JAK1: variants seen among roughly 807,000 people sequenced by gnomAD.
JAK1 encodes Janus kinase 1.
A neutral mutation model predicts 136.6 loss-of-function variants in JAK1; 16 were observed. That is an observed-to-expected ratio of 0.12 (90% CI 0.08 to 0.18). JAK1 has a LOEUF of 0.18. Ranked by LOEUF, JAK1 falls within the 10% of genes least tolerant of loss-of-function variation. The pLI is 1.00. For missense variants in JAK1, 859 were observed against 1,450.1 expected (o/e 0.59, Z 6.62); for synonymous variants, 492 against 519.5 (o/e 0.95, Z 0.72).
intron 1 of JAK1, among the ~76,000 whole-genome samples, chr1:64,928,798 A>AAAAAAAAAAAAAAAAAAAAAAAC (rs1557699679): frequency 1.8e-4 from 16 of 89,974 alleles, no homozygotes; most frequent in East Asian, 9.0e-4. Flanking sequence ...AAAAAAAAAC[A>AAAAAAAAAAAAAAAAAAAAAAAC]AAAAAAAAAA....
Position 64,844,834 on chromosome 1 carries a change from C to G in JAK1, c.2171G>C (p.Arg724Pro), listed in dbSNP as rs780016058. 2.5e-6 allele frequency: 4 copies of G among 1,614,204 alleles called. No homozygotes were observed. The highest frequency in any genetic ancestry group is 1.1e-5 in the South Asian group (1 of 91,084). ...NVCTKNLLLA[R>P]EGIDSECGPF... Reference sequence around the variant, plus strand: ...GCCACACTCACTGTCGATGCCCTCACGGGCCAGGAGGAGGTTTTTAGTACA... The same window carrying G: ...GCCACACTCACTGTCGATGCCCTCAGGGGCCAGGAGGAGGTTTTTAGTACA... The change falls in exon 16 of 25, where the codon CGT becomes CCT. Residue 724 changes from arginine to proline, a missense_variant. Transcript: ENST00000342505. The surrounding 1 kb of genome is among the most constrained non-coding windows in gnomAD (Gnocchi z 5.7).
intron 1 of JAK1, among the ~76,000 whole-genome samples, chr1:64,890,878 T>G (rs1644925136): frequency 6.6e-6 from 1 of 151,848 alleles, no homozygotes; most frequent in Non-Finnish European, 1.5e-5. Context: ...CGGGCTGGAG[T>G]CATTGCAACC....
intron 2 of JAK1, among the ~76,000 whole-genome samples, chr1:65,023,296 A>G (rs1318496269): frequency 2.6e-5 from 4 of 151,704 alleles, no homozygotes; most frequent in Admixed American, 6.6e-5. Context: ...TTGTCAAGCT[A>G]TGTTGCCCAG....
intron 11 of JAK1, 71 bp from the exon 12 acceptor site, chr1:64,850,981 G>A (rs912962244): frequency 3.8e-6 from 4 of 1,063,128 alleles, no homozygotes; most frequent in Admixed American, 1.8e-5. Flanking sequence ...AACGTCTGCT[G>A]AGCCGGGGCC....
chr1:64,908,324 G>A (rs986283768), intron 1 of JAK1, among the ~76,000 whole-genome samples: 1 of 152,064 alleles, frequency 6.6e-6, no homozygotes, highest in Non-Finnish European at 1.5e-5. Context: ...CATCTATTCA[G>A]CTCTATCCTT....
upstream of JAK1, among the ~76,000 whole-genome samples, chr1:64,971,017 G>T (rs980426196): frequency 6.6e-6 from 1 of 152,158 alleles, no homozygotes; most frequent in Non-Finnish European, 1.5e-5. Flanking sequence ...CTCTGCAAAA[G>T]CTATTGCTTA....
At chr1:64,976,234 G>A (rs945251901) in intron 2 of JAK1, among the ~76,000 whole-genome samples, 1 of 152,196 alleles carries the variant, frequency 6.6e-6, no homozygotes, top group Non-Finnish European at 1.5e-5. Flanking sequence ...CGCTGCAGGT[G>A]TGCTTTTCCA....
chr1:64,850,616 G>A (rs548346774), intron 12 of JAK1, among the ~76,000 whole-genome samples, 188 bp downstream of exon 12: 55 of 152,356 alleles, frequency 3.6e-4, no homozygotes, highest in African/African-American at 1.2e-3. Context: ...ATGTCTCTGA[G>A]GAGCATCAGC....
In JAK1 at chr1:64,844,000, C is replaced by T; in HGVS notation, c.2403+64G>A. On this transcript the variant is annotated intron_variant, in intron 17 of 24. Transcript: ENST00000342505. ...CACAGTGCCAGGCTTCCGACAACTC[C>T]TGGGAAGCCCACGAGCACCTGAAAG... 2.5e-6 allele frequency: 4 copies of T among 1,590,176 alleles called. No homozygotes were observed. In the South Asian group the frequency reaches 4.5e-5, roughly 18 times the overall value.
At chr1:64,951,553 G>A (rs897759235) in intron 1 of JAK1, among the ~76,000 whole-genome samples, 3 of 151,250 alleles carry the variant, frequency 2.0e-5, no homozygotes, top group Middle Eastern at 3.2e-3. Context: ...AGAATATGTC[G>A]CTTCAGGCAT....
chr1:64,963,997 G>A (rs1038742491), intron 1 of JAK1, among the ~76,000 whole-genome samples: 3 of 152,078 alleles, frequency 2.0e-5, no homozygotes, highest in African/African-American at 7.2e-5. Flanking sequence ...CTCATTGGGT[G>A]CAAAATCATA....
chr1:64,883,107 T>G (rs1644799580), intron 3 of JAK1, among the ~76,000 whole-genome samples, 170 bp downstream of exon 3: 1 of 152,162 alleles, frequency 6.6e-6, no homozygotes, highest in South Asian at 2.1e-4. Flanking sequence ...AGAATTAGAA[T>G]CACTGGCCTA....
chr1:64,945,895 G>A (rs746719506), intron 1 of JAK1, among the ~76,000 whole-genome samples: 10 of 151,902 alleles, frequency 6.6e-5, no homozygotes, highest in East Asian at 1.9e-4. Context: ...CTGCCACCAC[G>A]CCCAGCTAAT....
At chr1:65,028,478 A>AG (rs2100808348) in intron 2 of JAK1, among the ~76,000 whole-genome samples, 1 of 117,376 alleles carries the variant, frequency 8.5e-6, no homozygotes, top group East Asian at 3.4e-4. Flanking sequence ...GAAGAAAGGA[A>AG]GGAAGGGAGG....
chr1:65,015,692 C>T (rs932576019), intron 2 of JAK1, among the ~76,000 whole-genome samples: 3 of 152,028 alleles, frequency 2.0e-5, no homozygotes, highest in Non-Finnish European at 4.4e-5. Context: ...AATTTTAAAA[C>T]GGAAATATAA....
At chr1:65,021,188 C>T (rs1176860591) in intron 2 of JAK1, among the ~76,000 whole-genome samples, 2 of 151,958 alleles carry the variant, frequency 1.3e-5, no homozygotes, top group Non-Finnish European at 1.5e-5. Context: ...AGAGTAGATC[C>T]GAAGTGATGA....
intron 2 of JAK1, among the ~76,000 whole-genome samples, chr1:65,028,137 C>T (rs1646993606): frequency 6.6e-6 from 1 of 152,042 alleles, no homozygotes; most frequent in Non-Finnish European, 1.5e-5. Flanking sequence ...TTGCCTGGAA[C>T]GCTTTTCCCT....
At chr1:64,941,627 T>G (rs1366150240) in intron 1 of JAK1, among the ~76,000 whole-genome samples, 1 of 152,156 alleles carries the variant, frequency 6.6e-6, no homozygotes, top group Non-Finnish European at 1.5e-5. Flanking sequence ...ACCTCAGAGC[T>G]GTGATGTTAC....
In JAK1 at chr1:64,855,688, C is replaced by G; in HGVS notation, c.1469G>C (p.Gly490Ala). 1 of 1,612,378 alleles carries G rather than the reference C, an allele frequency of 6.2e-7. No individual in the cohort carries two copies. Among genetic ancestry groups the G allele is most frequent in the South Asian group, 1.1e-5 (1 of 91,002 alleles). Residue 490 changes from glycine (G) to alanine (A), a missense_variant, in exon 11 of 25, where the codon GGT becomes GCT. By Grantham distance (60) the Gly-to-Ala change is moderately conservative (BLOSUM62 0). Around this residue, in one of 4 missense-constraint regions of JAK1, gnomAD observed 409 missense variants for 753.8 expected, o/e 0.54. Transcript: ENST00000342505. ...AAAGTTCTTGAACTGCTTCTGGGCA[C>G]CCTGCACCTGCTATTCGGGAAATGA... ...TCFEKSEQVQ[G>A]AQKQFKNFQI...
Sources: gnomAD v4.1 joint callset for allele counts (sites outside exome capture counted in the v4.1 genomes callset) on GRCh38, gnomAD v4.1.1 for gene constraint, gnomAD v4.1.1 regional missense constraint, Gnocchi (gnomAD v3.1) non-coding constraint, MANE v1.5 for transcripts, NCBI Gene and HGNC (gene_info 2026-07-23, HGNC 2026-07-21) for gene names.